Variants in RBFOX1 observed in about 807,000 individuals in gnomAD.
RBFOX1 encodes RNA binding protein fox-1 homolog 1.
In RBFOX1, 8 loss-of-function variants were observed where a neutral mutation model predicts 57.7. That is an observed-to-expected ratio of 0.14 (90% CI 0.08 to 0.25). RBFOX1 has a LOEUF of 0.25. RBFOX1 is among the 10% of genes least tolerant of loss of function. The pLI, the probability that RBFOX1 is intolerant of heterozygous loss-of-function variation, is 1.00. For synonymous variants in RBFOX1, 326 were observed against 222.4 expected (o/e 1.47, Z -4.15); for missense variants, 611 against 548.5 (o/e 1.11, Z -1.14).
intron 1 of RBFOX1, among the ~76,000 whole-genome samples, chr16:6,227,996 T>C (rs561969784): frequency 1.3e-5 from 2 of 152,122 alleles, no homozygotes; most frequent in Non-Finnish European, 2.9e-5. Flanking sequence ...CTCCTGTGTT[T>C]ATTGCAGCAC....
chr16:5,821,433 G>T (rs1272429094), intron 3 of RBFOX1, among the ~76,000 whole-genome samples: 1 of 151,514 alleles, frequency 6.6e-6, no homozygotes, highest in Non-Finnish European at 1.5e-5. Context: ...CTCCCAAGTA[G>T]CTGGGACTAC....
intron 2 of RBFOX1, among the ~76,000 whole-genome samples, chr16:6,334,497 G>T (rs1050307613): frequency 5.5e-5 from 6 of 108,672 alleles, no homozygotes; most frequent in African/African-American, 2.3e-4. Context: ...AACAGAGCAA[G>T]ATAGCATCTC....
At chr16:6,043,110 T>C (rs144478014) in intron 1 of RBFOX1, among the ~76,000 whole-genome samples, 231 of 106,932 alleles carry the variant, frequency 2.2e-3, no homozygotes, top group Admixed American at 3.7e-3. Context: ...AGAGCAAGAT[T>C]GTGTTTCCAG....
chr16:6,695,150 T>C (rs2060825799), intron 3 of RBFOX1, among the ~76,000 whole-genome samples: 1 of 152,112 alleles, frequency 6.6e-6, no homozygotes. Flanking sequence ...CCGGGCGCAG[T>C]AGCTCATGCC....
At chr16:7,710,514 C>T (rs2083846066) in intron 15 of RBFOX1, 109 bp from the exon 16 acceptor site, 1 of 1,570,818 alleles carries the variant, frequency 6.4e-7, no homozygotes, top group South Asian at 1.2e-5. Flanking sequence ...GGGGGTGCCT[C>T]CATTTCGGTT....
intron 2 of RBFOX1, among the ~76,000 whole-genome samples, chr16:6,541,863 C>G (rs969214025): frequency 3.3e-5 from 5 of 152,040 alleles, no homozygotes; most frequent in African/African-American, 1.2e-4. Flanking sequence ...AGCATCTGAA[C>G]AGATTAACCC....
intron 3 of RBFOX1, among the ~76,000 whole-genome samples, chr16:5,640,259 G>A (rs570060651): frequency 5.9e-5 from 9 of 152,244 alleles, no homozygotes; most frequent in East Asian, 1.9e-4. Flanking sequence ...TTGCAGGAGC[G>A]TTCACTTTAG....
chr16:6,277,150 T>C (rs902558809), intron 1 of RBFOX1, among the ~76,000 whole-genome samples: 2 of 152,198 alleles, frequency 1.3e-5, no homozygotes, highest in East Asian at 1.9e-4. Context: ...TAATGACTTA[T>C]AAATTGCATT....
chr16:6,812,456 C>T (rs1244173096), intron 3 of RBFOX1, among the ~76,000 whole-genome samples: 2 of 152,116 alleles, frequency 1.3e-5, no homozygotes, highest in Non-Finnish European at 2.9e-5. Flanking sequence ...TCATTGCAAC[C>T]TCCACCTCTA....
At chr16:5,736,748 C>CG (rs1262039930) in intron 3 of RBFOX1, among the ~76,000 whole-genome samples, 1 of 151,842 alleles carries the variant, frequency 6.6e-6, no homozygotes, top group East Asian at 1.9e-4. Context: ...CTGTGTGTGT[C>CG]TGTCTCTTTG....
At chr16:6,833,539 C>G (rs886346472) in intron 3 of RBFOX1, among the ~76,000 whole-genome samples, 2 of 152,142 alleles carry the variant, frequency 1.3e-5, no homozygotes, top group Non-Finnish European at 2.9e-5. Flanking sequence ...GCCAGCCTGG[C>G]CAGCTACTCT....
At chr16:7,239,450 G>A (rs1317022251) in intron 4 of RBFOX1, among the ~76,000 whole-genome samples, 1 of 152,200 alleles carries the variant, frequency 6.6e-6, no homozygotes, top group East Asian at 1.9e-4. Flanking sequence ...AGTGAGCCTA[G>A]ATCGTGCCAC....
chr16:6,256,209 G>GTGTATATATA (rs2097663561), intron 1 of RBFOX1, among the ~76,000 whole-genome samples: 12 of 46,206 alleles, frequency 2.6e-4, no homozygotes, highest in African/African-American at 9.1e-4. Flanking sequence ...ATATGTATAT[G>GTGTATATATA]TGTATATATA....
At chr16:6,745,870 G>A (rs2073482043) in intron 3 of RBFOX1, among the ~76,000 whole-genome samples, 1 of 152,134 alleles carries the variant, frequency 6.6e-6, no homozygotes, top group African/African-American at 2.4e-5. Context: ...GATCATCTGT[G>A]CATAAAATTT....
At chr16:5,427,389 A>C (rs2067594241) in intron 1 of RBFOX1, among the ~76,000 whole-genome samples, 1 of 152,218 alleles carries the variant, frequency 6.6e-6, no homozygotes, top group South Asian at 2.1e-4. Flanking sequence ...GTTCAAGACC[A>C]GCTTGGCCAG....
chr16:6,477,725 C>A (rs185497713), intron 2 of RBFOX1, among the ~76,000 whole-genome samples: 33 of 152,314 alleles, frequency 2.2e-4, no homozygotes, highest in Non-Finnish European at 3.2e-4. Flanking sequence ...GTGTTGACTT[C>A]TTTCTATGAA....
intron 1 of RBFOX1, among the ~76,000 whole-genome samples, chr16:6,180,057 T>C (rs4036873): frequency 0.057 from 8,647 of 152,316 alleles, 465 homozygotes; most frequent in African/African-American, 0.14. Flanking sequence ...TTCTTGAAGA[T>C]GTTTGCATCT....
At chr16:6,661,841 T>C (rs2098703522) in intron 3 of RBFOX1, among the ~76,000 whole-genome samples, 1 of 152,232 alleles carries the variant, frequency 6.6e-6, no homozygotes, top group Admixed American at 6.5e-5. Flanking sequence ...GTAGTTCAAC[T>C]TCTAATTTTT....
chr16:7,635,400 T>C (rs540543786), intron 11 of RBFOX1, among the ~76,000 whole-genome samples: 54 of 152,228 alleles, frequency 3.5e-4, no homozygotes, highest in African/African-American at 1.2e-3. Context: ...CAGGTGCTCA[T>C]TGCAATCAAT....
Sources: gnomAD v4.1 joint callset for allele counts (sites outside exome capture counted in the v4.1 genomes callset) on GRCh38, gnomAD v4.1.1 for gene constraint, MANE v1.5 for transcripts, NCBI Gene and HGNC (gene_info 2026-07-23, HGNC 2026-07-21) for gene names.